ZNF729: variants seen among roughly 807,000 people sequenced by gnomAD.
ZNF729 encodes zinc finger protein 729.
Under a neutral mutation model 12.2 loss-of-function variants are expected in ZNF729, and 15 were observed. The observed-to-expected ratio is 1.23, with a 90% CI of 0.82 to 1.89. The LOEUF (loss-of-function observed/expected upper bound fraction) is 1.89. ZNF729 is among the 40% of genes most tolerant of loss of function. ZNF729 has a pLI of 0.00. For missense variants in ZNF729, 1,540 were observed against 1,456.7 expected (o/e 1.06, Z -0.93); for synonymous variants, 492 against 476.3 (o/e 1.03, Z -0.43).
In ZNF729 at chr19:22,316,053, C is replaced by T; in HGVS notation, c.2636C>T (p.Pro879Leu). Reference sequence around the variant, plus strand: ...GAGATAATTCATAGTGGAGAGAAACCATACAAATGTGAAGAATGTGGTAAA... The same window carrying T: ...GAGATAATTCATAGTGGAGAGAAACTATACAAATGTGAAGAATGTGGTAAA... The part of the protein sequence containing the change: ...KHEIIHSGEK[P>L]YKCEECGKAF... Residue 879 changes from proline to leucine, a missense_variant, in exon 4 of 4, where the codon CCA becomes CTA. Coordinates refer to ENST00000601693, the MANE Select transcript of ZNF729 (RefSeq NM_001242680.2). 1 of 1,610,298 alleles carries T rather than the reference C, an allele frequency of 6.2e-7. No individual in the cohort carries two copies. The highest frequency in any genetic ancestry group is 8.5e-7 in the Non-Finnish European group (1 of 1,179,500).
chr19:22,302,362 A>G (rs1431520811), intron 1 of ZNF729, among the ~76,000 whole-genome samples: 1 of 152,310 alleles, frequency 6.6e-6, no homozygotes, highest in Non-Finnish European at 1.5e-5. Flanking sequence ...TATCATTGGT[A>G]CAATAAACAG....
chr19:22,310,316 A>G (rs752287730), intron 3 of ZNF729, among the ~76,000 whole-genome samples: 41 of 152,040 alleles, frequency 2.7e-4, no homozygotes, highest in Non-Finnish European at 5.0e-4. Context: ...CTTCTCATTC[A>G]GTATTATGTT....
intron 1 of ZNF729, among the ~76,000 whole-genome samples, chr19:22,298,634 C>T (rs966442459): frequency 6.6e-6 from 1 of 152,162 alleles, no homozygotes; most frequent in Non-Finnish European, 1.5e-5. Flanking sequence ...CTGCCTCAGC[C>T]TCCCTAGTAG....
intron 1 of ZNF729, among the ~76,000 whole-genome samples, chr19:22,300,128 C>G (rs529810514): frequency 6.6e-6 from 1 of 152,332 alleles, no homozygotes; most frequent in South Asian, 2.1e-4. Context: ...CAGCAGGCAC[C>G]TGGATTCAAG....
chr19:22,295,361 G>A (rs1014537801), intron 1 of ZNF729, among the ~76,000 whole-genome samples: 5 of 150,620 alleles, frequency 3.3e-5, no homozygotes, highest in Non-Finnish European at 5.9e-5. Flanking sequence ...AAATAGGAGC[G>A]GTGAGAGAAG....
chr19:22,294,717 C>G (rs1159226594), intron 1 of ZNF729, among the ~76,000 whole-genome samples: 1 of 141,162 alleles, frequency 7.1e-6, no homozygotes, highest in East Asian at 2.1e-4. Flanking sequence ...AGTGCAATGG[C>G]ACAGTCTTAG....
At position 22,314,514 on chromosome 19, in the gene ZNF729, A is replaced by C; in HGVS notation, c.1097A>C (p.His366Pro). ...AFSQSSTLRKHEIIHTGEKPY... is the reference protein window; with the variant it reads ...AFSQSSTLRKPEIIHTGEKPY... ...AGCCAGTCCTCAACCCTTAGAAAAC[A>C]TGAGATAATTCATACTGGAGAGAAA... The change falls in exon 4 of 4, where the codon CAT (histidine) becomes CCT (proline). Residue 366 changes from histidine (H) to proline (P), a missense_variant. By Grantham distance (77) the His-to-Pro change is moderately conservative. Coordinates refer to ENST00000601693, the MANE Select transcript of ZNF729 (RefSeq NM_001242680.2). 6.2e-7 allele frequency: 1 copy of C among 1,611,108 alleles called. No homozygotes were observed. The highest frequency in any genetic ancestry group is 1.1e-5 in the South Asian group (1 of 90,878).
Position 22,315,388 on chromosome 19 carries a change from A to G in ZNF729, c.1971A>G (p.Lys657=). The G allele has an allele frequency of 6.2e-7, 1 of 1,613,482 alleles. No individual in the cohort carries two copies. Among genetic ancestry groups the G allele is most frequent in the South Asian group, 1.1e-5 (1 of 91,052 alleles). ...TTCATACTGGAGAGAAACCTTACAA[A>G]TGTGAAGAATGTGGCAAAGCTTTTA... ...KAIHTGEKPY[K]CEECGKAFSH... The change falls in exon 4 of 4, where the codon AAA becomes AAG. Residue 657 remains lysine, a synonymous_variant. Coordinates refer to ENST00000601693, the MANE Select transcript of ZNF729 (RefSeq NM_001242680.2).
At chr19:22,289,141 G>T (rs961328687) in intron 1 of ZNF729, among the ~76,000 whole-genome samples, 13 of 151,674 alleles carry the variant, frequency 8.6e-5, no homozygotes, top group African/African-American at 3.2e-4. Flanking sequence ...GGGATTGAAA[G>T]AAAGATAAGA....
chr19:22,286,497 C>T lies in ZNF729; in HGVS notation c.-29C>T, dbSNP rs1968078848. The T allele has an allele frequency of 6.2e-7, 1 of 1,612,804 alleles. No individual in the cohort carries two copies. The highest frequency in any genetic ancestry group is 1.7e-5 in the Admixed American group (1 of 59,870). On this transcript the variant is annotated 5_prime_UTR_variant, in exon 1 of 4. Coordinates refer to ENST00000601693, the MANE Select transcript of ZNF729 (RefSeq NM_001242680.2). ...GTCCTCAGCCTCTGTGGCCCTGTAA[C>T]CTGCGGCATTGGAAGATCCACAGCT... is the stretch of plus-strand genomic sequence containing the variant.
chr19:22,298,971 T>A (rs1416145973), intron 1 of ZNF729: 1 of 152,204 alleles, frequency 6.6e-6, no homozygotes, highest in Admixed American at 6.5e-5. Context: ...AGATTATACA[T>A]CTTCATCAAA....
chr19:22,309,619 A>G (rs547666970), intron 3 of ZNF729, among the ~76,000 whole-genome samples: 1 of 151,626 alleles, frequency 6.6e-6, no homozygotes, highest in Non-Finnish European at 1.5e-5. Context: ...TTTATAGTAT[A>G]GTTTGAAGTC....
At chr19:22,289,532 G>T (rs57766933) in intron 1 of ZNF729, among the ~76,000 whole-genome samples, 3,352 of 152,118 alleles carry the variant, frequency 0.022, 112 homozygotes, top group African/African-American at 0.077. Flanking sequence ...GCAAAAATTT[G>T]TATTTACCCT....
Position 22,307,812 on chromosome 19 carries a change from T to TG in ZNF729, c.253+3029_253+3030insG, listed in dbSNP as rs1213976276. 3.5e-3 allele frequency among the ~76,000 whole-genome samples: 506 copies of TG among 145,718 alleles called. 4 individuals carry two copies. The highest frequency in any genetic ancestry group is 0.01 in the African/African-American group (404 of 39,002). ...TGGAAAGCTCTGTGTTTTTTTTTTT[T>TG]TTTTTTTTTTTTGTCTTTAAGTAAC... On this transcript the variant is annotated intron_variant, in intron 3 of 3. Coordinates refer to ENST00000601693, the MANE Select transcript of ZNF729 (RefSeq NM_001242680.2).
intron 1 of ZNF729, among the ~76,000 whole-genome samples, chr19:22,297,302 C>T (rs1355488675): frequency 6.7e-6 from 1 of 148,756 alleles, no homozygotes; most frequent in African/African-American, 2.5e-5. Context: ...TTTTTTTTCC[C>T]ATAAGCATAT....
In ZNF729 at chr19:22,316,552, G is replaced by A. The variant is rs747394553; in HGVS notation, c.3135G>A (p.Glu1045=). ...AACATAAGATAATTCATACTGGGGA[G>A]AAACCCTACAAATGTGAAGAATGTG... is the stretch of plus-strand genomic sequence containing the variant. ...LMKHKIIHTG[E]KPYKCEECGK... is the part of the protein sequence containing the mutation. Residue 1045 remains glutamate, a synonymous_variant, in exon 4 of 4, where the codon GAG becomes GAA. Coordinates refer to ENST00000601693, the MANE Select transcript of ZNF729 (RefSeq NM_001242680.2). 2 of 1,613,672 alleles carry A rather than the reference G, an allele frequency of 1.2e-6. No homozygotes were observed. The highest frequency in any genetic ancestry group is 2.2e-5 in the South Asian group (2 of 91,080).
rs755755889 is a variant in ZNF729 at position 22,316,087 on chromosome 19, G to T, written c.2670G>T (p.Lys890Asn). ...GTGAAGAATGTGGTAAAGCTTTTAAGTGGTTGTCAAAACTTACTGTACATA... is the reference window on the plus strand; with the variant it reads ...GTGAAGAATGTGGTAAAGCTTTTAATTGGTTGTCAAAACTTACTGTACATA... ...YKCEECGKAF[K>N]WLSKLTVHKV... Residue 890 changes from lysine (K) to asparagine (N), a missense_variant, in exon 4 of 4, where the codon AAG (lysine) becomes AAT (asparagine). By Grantham distance (94) the Lys-to-Asn change is moderately conservative (BLOSUM62 0). Transcript: ENST00000601693. 3.7e-6 allele frequency: 6 copies of T among 1,609,916 alleles called. No individual in the cohort carries two copies. The highest frequency in any genetic ancestry group is 5.1e-6 in the Non-Finnish European group (6 of 1,179,434).
chr19:22,291,891 G>T (rs1316748356), intron 1 of ZNF729, among the ~76,000 whole-genome samples: 10 of 151,980 alleles, frequency 6.6e-5, no homozygotes. Flanking sequence ...CTGCCACCAC[G>T]CCCCGCTAAT....
chr19:22,287,632 T>A (rs1968097398), intron 1 of ZNF729, among the ~76,000 whole-genome samples: 1 of 151,828 alleles, frequency 6.6e-6, no homozygotes, highest in Admixed American at 6.6e-5. Context: ...GCCTGCCACT[T>A]AATTATTCTT....
Sources: allele counts gnomAD v4.1 joint callset (sites outside exome capture counted in the v4.1 genomes callset), GRCh38; gene constraint gnomAD v4.1.1; transcripts MANE v1.5; gene names NCBI Gene and HGNC (gene_info 2026-07-23, HGNC 2026-07-21).